SH3BP5: variants seen among roughly 807,000 people sequenced by gnomAD.
SH3BP5 encodes the protein SH3 domain binding protein 5.
In SH3BP5, 22 loss-of-function variants were observed where a neutral mutation model predicts 43.3. The ratio of observed to expected loss-of-function variants is 0.51; its 90% CI spans 0.36 to 0.73. SH3BP5 has a LOEUF of 0.73. Among genes scored for constraint, SH3BP5 ranks in the 30% least tolerant of loss-of-function variants. The pLI is 0.00. For synonymous variants in SH3BP5, 255 were observed against 225.8 expected (o/e 1.13, Z -1.16); for missense variants, 529 against 586.9 (o/e 0.90, Z 1.02).
intron 1 of SH3BP5, 154 bp downstream of exon 1, chr3:15,332,117 A>C (rs951660099): frequency 1.6e-6 from 2 of 1,214,326 alleles, no homozygotes; most frequent in East Asian, 2.6e-5. Context: ...GGAGACGATG[A>C]AACGGAGCAT....
intron 1 of SH3BP5, among the ~76,000 whole-genome samples, chr3:15,331,467 GA>G (rs1238441300): frequency 6.6e-6 from 1 of 152,178 alleles, no homozygotes; most frequent in East Asian, 1.9e-4. Context: ...ACGGGCCTTA[GA>G]AAGGGATTTG....
At chr3:15,290,137 C>T (rs1249330895) in intron 3 of SH3BP5, among the ~76,000 whole-genome samples, 1 of 152,234 alleles carries the variant, frequency 6.6e-6, no homozygotes, top group Middle Eastern at 3.4e-3. Flanking sequence ...CACGGTGGCT[C>T]ACACCTGTAA....
intron 5 of SH3BP5, 28 bp downstream of exon 5, chr3:15,262,131 C>T: frequency 6.2e-7 from 1 of 1,612,772 alleles, no homozygotes; most frequent in African/African-American, 1.3e-5. Context: ...AGCCGCACGG[C>T]CCCAGGGAAG....
At chr3:15,327,903 A>C (rs1698504361) in intron 2 of SH3BP5, among the ~76,000 whole-genome samples, 1 of 152,240 alleles carries the variant, frequency 6.6e-6, no homozygotes, top group African/African-American at 2.4e-5. Flanking sequence ...ACTTAGTACA[A>C]AAATATATGT....
chr3:15,305,450 T>C (rs1697876061), intron 2 of SH3BP5, among the ~76,000 whole-genome samples: 1 of 151,536 alleles, frequency 6.6e-6, no homozygotes, highest in Admixed American at 6.6e-5. Context: ...TACAGCCTGG[T>C]GGGTGAGGTA....
At chr3:15,324,401 C>A (rs2125138492) in intron 2 of SH3BP5, among the ~76,000 whole-genome samples, 1 of 152,300 alleles carries the variant, frequency 6.6e-6, no homozygotes, top group East Asian at 1.9e-4. Context: ...TATTTGTTGA[C>A]CACCCTGGTC....
rs954661246 is a variant in SH3BP5 at position 15,262,070 on chromosome 3, T to C, written c.626+89A>G. 29 of 1,472,178 alleles carry C rather than the reference T, an allele frequency of 2.0e-5. No homozygotes were observed. The Admixed American group carries it at 4.9e-4, about 25-fold the overall frequency. The allele number at this position is 1,472,178 out of a possible 1,614,324, so 91.2% of individuals were successfully genotyped here. On this transcript the variant is annotated intron_variant, in intron 5 of 8. Transcript: ENST00000383791. Reference sequence around the variant, plus strand: ...GTCTACATCAAAGGACTACTCAGGGTGGTCCTTGAGTGTGTGACATACAAA... The same window carrying C: ...GTCTACATCAAAGGACTACTCAGGGCGGTCCTTGAGTGTGTGACATACAAA...
chr3:15,280,144 C>T (rs1261871573), intron 3 of SH3BP5, among the ~76,000 whole-genome samples: 4 of 152,172 alleles, frequency 2.6e-5, no homozygotes, highest in Non-Finnish European at 5.9e-5. Flanking sequence ...CTGCCAGCTA[C>T]ACACAGCAGG....
intron 3 of SH3BP5, among the ~76,000 whole-genome samples, chr3:15,292,941 C>T (rs981810460): frequency 6.6e-6 from 1 of 152,220 alleles, no homozygotes; most frequent in Non-Finnish European, 1.5e-5. Context: ...GCAGGAGGTG[C>T]AACCCTTCTG....
At chr3:15,330,441 A>G in intron 2 of SH3BP5, 63 bp downstream of exon 2, 1 of 1,398,990 alleles carries the variant, frequency 7.1e-7, no homozygotes, top group Non-Finnish European at 1.0e-6. Flanking sequence ...GACAAAATTA[A>G]CCAGCCTTGT....
At chr3:15,267,539 GC>G (rs935517776) in intron 4 of SH3BP5, among the ~76,000 whole-genome samples, 1 of 152,188 alleles carries the variant, frequency 6.6e-6, no homozygotes, top group African/African-American at 2.4e-5. Flanking sequence ...TGCAGAGGTT[GC>G]CCCCAAGCCC....
At chr3:15,292,913 C>T (rs1195362699) in intron 3 of SH3BP5, among the ~76,000 whole-genome samples, 28 of 152,132 alleles carry the variant, frequency 1.8e-4, no homozygotes, top group Admixed American at 1.7e-3. Flanking sequence ...CCCAGACGCC[C>T]GAGGCAGAGC....
intron 2 of SH3BP5, among the ~76,000 whole-genome samples, chr3:15,308,657 G>A (rs997634938): frequency 8.5e-5 from 13 of 152,158 alleles, no homozygotes; most frequent in Admixed American, 8.5e-4. Context: ...TCAATCCCAT[G>A]AACAATGGGA....
chr3:15,277,374 G>A (rs1697001245), intron 3 of SH3BP5, among the ~76,000 whole-genome samples: 2 of 152,274 alleles, frequency 1.3e-5, no homozygotes, highest in South Asian at 2.1e-4. Context: ...ACAAATCAAG[G>A]ACACAGTGGC....
chr3:15,284,250 C>A (rs1459686654), intron 3 of SH3BP5, among the ~76,000 whole-genome samples: 1 of 152,216 alleles, frequency 6.6e-6, no homozygotes, highest in Non-Finnish European at 1.5e-5. Flanking sequence ...CATCTGCACA[C>A]CCATTTTGCC....
chr3:15,317,136 A>G (rs116114293), intron 2 of SH3BP5, among the ~76,000 whole-genome samples: 3,088 of 152,292 alleles, frequency 0.02, 101 homozygotes, highest in African/African-American at 0.069. Flanking sequence ...GACAGATTAC[A>G]CCACTGATGT....
intron 3 of SH3BP5, among the ~76,000 whole-genome samples, chr3:15,294,325 G>GTGTGTGTGTGTA (rs561289765): frequency 1.4e-5 from 2 of 142,828 alleles, no homozygotes; most frequent in African/African-American, 2.9e-5. Context: ...GTGTGTGTGT[G>GTGTGTGTGTGTA]TGTGTGCGCG....
intron 2 of SH3BP5, among the ~76,000 whole-genome samples, chr3:15,326,457 T>C (rs545273372): frequency 6.6e-6 from 1 of 152,144 alleles, no homozygotes; most frequent in South Asian, 2.1e-4. Context: ...TCACGAGAGG[T>C]GCCGAACGCC....
intron 3 of SH3BP5, among the ~76,000 whole-genome samples, chr3:15,296,341 T>TAC (rs141504303): frequency 0.035 from 5,144 of 146,172 alleles, 78 homozygotes; most frequent in East Asian, 0.045. Context: ...GGAAATCATA[T>TAC]ACACACACAC....
Sources: allele counts gnomAD v4.1 joint callset (sites outside exome capture counted in the v4.1 genomes callset), GRCh38; gene constraint gnomAD v4.1.1; transcripts MANE v1.5; gene names NCBI Gene and HGNC (gene_info 2026-07-23, HGNC 2026-07-21).